IFT140: variants seen among roughly 807,000 people sequenced by gnomAD.
IFT140 encodes intraflagellar transport 140, also known as intraflagellar transport protein 140 homolog.
A neutral mutation model predicts 164.6 loss-of-function variants in IFT140; 133 were observed. That is an observed-to-expected ratio of 0.81 (90% confidence interval 0.70 to 0.93). The LOEUF is 0.93. Among genes scored for constraint, IFT140 ranks in the 40% least tolerant of loss-of-function variants. IFT140 has a pLI of 0.00. For missense variants in IFT140, 2,045 were observed against 1,972.3 expected, an observed-to-expected ratio of 1.04 and a Z score of -0.70; for synonymous variants, 860 against 817.3, an observed-to-expected ratio of 1.05 and a Z score of -0.89.
intron 8 of IFT140, 32 bp from the exon 9 acceptor site, chr16:1,587,336 G>T: frequency 7.1e-7 from 1 of 1,408,872 alleles, no homozygotes; most frequent in Non-Finnish European, 1.0e-6. Context: ...CCCATGGAGG[G>T]CCTGTGTTAG....
chr16:1,545,531 C>T (rs1024152780), intron 19 of IFT140, among the ~76,000 whole-genome samples: 7 of 152,048 alleles, frequency 4.6e-5, no homozygotes, highest in South Asian at 4.1e-4. Flanking sequence ...TTCCTGTACT[C>T]GCGTCTGTTT....
At chr16:1,585,540 G>A (rs1016477086) in intron 10 of IFT140, among the ~76,000 whole-genome samples, 1 of 152,156 alleles carries the variant, frequency 6.6e-6, no homozygotes, top group Admixed American at 6.6e-5. Flanking sequence ...TATATCATGA[G>A]TTATATCTCA....
chr16:1,554,653 C>T, intron 19 of IFT140: 1 of 1,377,574 alleles, frequency 7.3e-7, no homozygotes, highest in Non-Finnish European at 9.9e-7. Context: ...CAGGCTGGAA[C>T]CCGCTCTAGG....
intron 4 of IFT140, among the ~76,000 whole-genome samples, chr16:1,597,155 G>A (rs1028546856): frequency 6.6e-5 from 10 of 152,180 alleles, no homozygotes; most frequent in African/African-American, 2.2e-4. Flanking sequence ...ATCAGGGTGC[G>A]CGTCAGGTGA....
Position 1,587,312 on chromosome 16 carries a change from A to G in IFT140, c.903-8T>C, listed in dbSNP as rs1165393313. The G allele has an allele frequency of 5.1e-6, 8 of 1,581,354 alleles. No homozygotes were observed. Among genetic ancestry groups the G allele is most frequent in the African/African-American group, 2.7e-5 (2 of 74,232 alleles). The stretch of plus-strand genomic sequence containing the variant: ...CGTTCTATGTCCCAGAATCTACAAC[A>G]GAAGAAAGCAAGCCCCATGGAGGGC... On this transcript the variant is annotated splice_polypyrimidine_tract_variant and splice_region_variant and intron_variant, in intron 8 of 30. Coordinates refer to ENST00000426508, the MANE Select transcript of IFT140 (RefSeq NM_014714.4).
At chr16:1,561,888 G>C in intron 18 of IFT140, 97 bp downstream of exon 18, 1 of 1,283,378 alleles carries the variant, frequency 7.8e-7, no homozygotes, top group East Asian at 2.6e-5. Flanking sequence ...AGCCACGAGG[G>C]CTAACTCACA....
rs910575696 is a variant in IFT140 at position 1,510,802 on chromosome 16, C to T, written c.*142G>A. ...TCACACCCTCCGCCGGCCCGGGCCGCTGCGTTCTCGCCCAGCTCTGTCGCG... is the reference window on the plus strand; with the variant it reads ...TCACACCCTCCGCCGGCCCGGGCCGTTGCGTTCTCGCCCAGCTCTGTCGCG... On this transcript the variant is annotated 3_prime_UTR_variant, in exon 31 of 31. Transcript: ENST00000426508. 40 of 808,826 alleles carry T rather than the reference C, an allele frequency of 4.9e-5. No individual in the cohort carries two copies. The highest frequency in any genetic ancestry group is 8.5e-5 in the Admixed American group (4 of 47,146). 50.1% of individuals were successfully genotyped at this position (808,826 alleles called of 1,614,324 possible). A position where few individuals can be genotyped will look rare whatever the true frequency, so the allele number is the denominator to read the frequency against.
At chr16:1,562,220 G>A (rs2141515198) in intron 17 of IFT140, 104 bp from the exon 18 acceptor site, 6 of 974,252 alleles carry the variant, frequency 6.2e-6, no homozygotes, top group South Asian at 4.2e-5. Flanking sequence ...CGGTGGGGTC[G>A]TTGCTACACA....
rs750603473 is a variant in IFT140 at position 1,568,338 on chromosome 16, C to A, written c.1653-4G>T. 1 of 1,612,202 alleles carries A rather than the reference C, an allele frequency of 6.2e-7. No homozygotes were observed. On this transcript the variant is annotated splice_polypyrimidine_tract_variant and splice_region_variant and intron_variant, in intron 14 of 30. Coordinates refer to ENST00000426508, the MANE Select transcript of IFT140 (RefSeq NM_014714.4). ...GCTACAGTGTGCTTTGGCCTCTCTG[C>A]AGGGAGGAAGAGGGACCTCAGTGCC... is the stretch of plus-strand genomic sequence containing the variant.
At chr16:1,569,260 A>G (rs372784707) in intron 14 of IFT140, among the ~76,000 whole-genome samples, 12 of 152,162 alleles carry the variant, frequency 7.9e-5, no homozygotes, top group African/African-American at 1.9e-4. Flanking sequence ...CGCCCGCCTC[A>G]GCCTCCCAAA....
In IFT140 at chr16:1,551,339, G is replaced by T. The variant is rs764789569; in HGVS notation, c.2399+6596C>A. Among the ~76,000 whole-genome samples the T allele has an allele frequency of 6.6e-6, 1 of 152,072 alleles. No individual in the cohort carries two copies. The highest frequency in any genetic ancestry group is 1.5e-5 in the Non-Finnish European group (1 of 68,016). On this transcript the variant is annotated intron_variant, in intron 19 of 30. Coordinates refer to ENST00000426508, the MANE Select transcript of IFT140 (RefSeq NM_014714.4). The surrounding 1 kb of genome is among the most constrained non-coding windows in gnomAD (Gnocchi z 4.0). ...AGGCCCGAAGGATCAGCAGCAGGAG[G>T]GGCCCCTCCTCCCCAGGGCCAGTCA...
chr16:1,534,671 G>A, intron 19 of IFT140: 7 of 1,465,730 alleles, frequency 4.8e-6, no homozygotes, highest in Non-Finnish European at 6.5e-6. Flanking sequence ...GCTCTGCCCT[G>A]AGCGTGGCCT....
chr16:1,541,120 C>T lies in IFT140; in HGVS notation c.2400-14324G>A, dbSNP rs1022702570. On this transcript the variant is annotated intron_variant, in intron 19 of 30. Transcript: ENST00000426508. ...ACAGAAGGCTCCATCTGCCCCTGACCACGCATCCATGTGCCCTGCCCACCT... is the reference window on the plus strand; with the variant it reads ...ACAGAAGGCTCCATCTGCCCCTGACTACGCATCCATGTGCCCTGCCCACCT... 5 of 985,340 alleles carry T rather than the reference C, an allele frequency of 5.1e-6. No individual in the cohort carries two copies. In the African/African-American group the frequency reaches 8.7e-5, roughly 17 times the overall value. The allele number at this position is 985,340 out of a possible 1,614,324, so 61.0% of individuals were successfully genotyped here.
chr16:1,555,747 G>C (rs1203029806), intron 19 of IFT140, among the ~76,000 whole-genome samples: 1 of 152,118 alleles, frequency 6.6e-6, no homozygotes, highest in Non-Finnish European at 1.5e-5. Context: ...AGAAGCCCAA[G>C]TCCTTACAGA....
At chr16:1,578,815 C>T (rs574853996) in intron 13 of IFT140, among the ~76,000 whole-genome samples, 1 of 152,218 alleles carries the variant, frequency 6.6e-6, no homozygotes, top group Admixed American at 6.5e-5. Context: ...AGGCTCAAGC[C>T]ACCCTCCTGC....
chr16:1,583,368 T>A lies in IFT140; in HGVS notation c.1378A>T (p.Asn460Tyr). The change falls in exon 12 of 31, where the codon AAC becomes TAC. Residue 460 changes from asparagine (N) to tyrosine (Y), a missense_variant. Asn to Tyr is a moderately radical substitution (Grantham distance 143). Transcript: ENST00000426508. ...FATKDAVAVWNGRQVAIFELS... is the reference protein window; with the variant it reads ...FATKDAVAVWYGRQVAIFELS... ...TCGAAGATCGCCACCTGCCTTCCGT[T>A]CCAGACTGCGACAGCATCCTGAAAA... The A allele has an allele frequency of 6.2e-7, 1 of 1,614,046 alleles. No homozygotes were observed. Among genetic ancestry groups the A allele is most frequent in the Non-Finnish European group, 8.5e-7 (1 of 1,179,984 alleles).
intron 30 of IFT140, among the ~76,000 whole-genome samples, chr16:1,513,862 A>G (rs557202605): frequency 4.2e-5 from 6 of 142,614 alleles, no homozygotes; most frequent in Non-Finnish European, 6.0e-5. Context: ...TTTAGTAGAG[A>G]CGGGGTTTCA....
At chr16:1,536,000 C>T (rs938389873) in intron 19 of IFT140, among the ~76,000 whole-genome samples, 25 of 152,248 alleles carry the variant, frequency 1.6e-4, no homozygotes, top group African/African-American at 6.0e-4. Context: ...CTGTGCTGAA[C>T]CTCTCGCGGG....
intron 4 of IFT140, among the ~76,000 whole-genome samples, chr16:1,601,901 T>A (rs2035813140): frequency 6.6e-6 from 1 of 152,264 alleles, no homozygotes; most frequent in African/African-American, 2.4e-5. Context: ...GTGATTCAGT[T>A]GCCTCTGCAC....
Sources: allele counts gnomAD v4.1 joint callset (sites outside exome capture counted in the v4.1 genomes callset), GRCh38; gene constraint gnomAD v4.1.1; non-coding constraint Gnocchi (gnomAD v3.1); transcripts MANE v1.5; gene names NCBI Gene and HGNC (gene_info 2026-07-23, HGNC 2026-07-21).